The following TSBP1 variants were observed in gnomAD, a reference collection of about 807,000 sequenced individuals.
The protein encoded by TSBP1 is testis expressed basic protein 1, also known as testis-expressed basic protein 1.
Under a neutral mutation model 68.8 loss-of-function variants are expected in TSBP1, and 56 were observed. The ratio of observed to expected loss-of-function variants is 0.81; its 90% CI spans 0.66 to 1.02. TSBP1 has a LOEUF of 1.02. Among genes scored for constraint, TSBP1 ranks in the 50% least tolerant of loss-of-function variants. TSBP1 has a pLI of 0.00. For missense variants in TSBP1, 502 were observed against 641.2 expected (o/e 0.78, Z 2.34); for synonymous variants, 171 against 208.7 (o/e 0.82, Z 1.56).
At chr6:32,367,052 C>CGTGTGTGTGTGT (rs3038518) in intron 4 of TSBP1, among the ~76,000 whole-genome samples, 2,170 of 148,406 alleles carry the variant, frequency 0.015, 31 homozygotes, top group African/African-American at 0.028. Context: ...ATGCTTGTAG[C>CGTGTGTGTGTGT]GTGTGTGTGT....
rs1241237254 is a variant in TSBP1, at chr6:32,370,407, G to GTGTATATATA, written c.14-425_14-424insTATATATACA. Among the ~76,000 whole-genome samples the GTGTATATATA allele has an allele frequency of 1.1e-3, 141 of 130,682 alleles. 1 individual carries two copies. Among genetic ancestry groups the GTGTATATATA allele is most frequent in the East Asian group, 5.4e-3 (25 of 4,596 alleles). The allele number at this position is 130,682 out of a possible 152,430, so 85.7% of individuals were successfully genotyped here. A position where few individuals can be genotyped will look rare whatever the true frequency, so the allele number is the denominator to read the frequency against. On this transcript the variant is annotated intron_variant, in intron 1 of 22. Coordinates refer to ENST00000612031, the Ensembl canonical transcript of TSBP1. Reference sequence around the variant, plus strand: ...TACCTTTAAAGTTGCAAGATTTTCTGTATATATATATATATATATATATAT... The same window carrying GTGTATATATA: ...TACCTTTAAAGTTGCAAGATTTTCTGTGTATATATATATATATATATATATATATATATAT...
At chr6:32,332,771 G>A (rs565761165) in intron 14 of TSBP1, among the ~76,000 whole-genome samples, 2 of 151,982 alleles carry the variant, frequency 1.3e-5, no homozygotes, top group African/African-American at 4.8e-5. Flanking sequence ...CACTATTCCT[G>A]GCTAATTAAA....
rs1767677356 is a variant in TSBP1, at chr6:32,321,963, G to A, written c.559+1154C>T. On this transcript the variant is annotated intron_variant, in intron 18 of 22. Coordinates refer to ENST00000612031, the Ensembl canonical transcript of TSBP1. This position sits in a 1 kb window ranked among gnomAD's most constrained non-coding sequence, Gnocchi z 4.3. ...AGCAGCTACCCTCTTCAGACTATAT[G>A]TGTCCTCCCAGTTTTACACAGTTCC... is the stretch of plus-strand genomic sequence containing the variant. 6.6e-6 allele frequency among the ~76,000 whole-genome samples: 1 copy of A among 152,178 alleles called. No homozygotes were observed. Among genetic ancestry groups the A allele is most frequent in the Admixed American group, 6.6e-5 (1 of 15,262 alleles).
chr6:32,332,107 TTTC>T, intron 14 of TSBP1, 53 bp from the exon 16 acceptor site: 1 of 1,342,344 alleles, frequency 7.4e-7, no homozygotes, highest in South Asian at 1.2e-5. Flanking sequence ...AGAGTGTATT[TTTC>T]ACTAATTTTA....
rs2127605056 is a variant in TSBP1 at position 32,335,806 on chromosome 6, G to A, written c.451+106C>T. On this transcript the variant is annotated intron_variant, in intron 13 of 22. Coordinates refer to ENST00000612031, the Ensembl canonical transcript of TSBP1. This position sits in a 1 kb window ranked among gnomAD's most constrained non-coding sequence, Gnocchi z 5.5. ...AAGAAAAATAAGGGTTGAAGAAAAT[G>A]TGAACTCCAAACCCTTGAAATCCCA... 2 of 897,112 alleles carry A rather than the reference G, an allele frequency of 2.2e-6. No homozygotes were observed. Among genetic ancestry groups the A allele is most frequent in the East Asian group, 2.4e-5 (1 of 40,932 alleles). 55.6% of individuals were successfully genotyped at this position (897,112 alleles called of 1,614,324 possible).
chr6:32,292,928 A>G lies in TSBP1; in HGVS notation c.*53T>C, dbSNP rs763740695. ...TGGCTGGGATATGGTTTGTATCTGG[A>G]GTATGGGAATCATAATAATCACTTG... On this transcript the variant is annotated 3_prime_UTR_variant, in exon 23 of 23. Transcript: ENST00000612031. The surrounding 1 kb of genome is among the most constrained non-coding windows in gnomAD (Gnocchi z 4.1). The G allele has an allele frequency of 1.1e-5, 12 of 1,048,694 alleles. No individual in the cohort carries two copies. The highest frequency in any genetic ancestry group is 8.6e-5 in the Admixed American group (4 of 46,676). 65.0% of individuals were successfully genotyped at this position (1,048,694 alleles called of 1,614,324 possible).
chr6:32,302,519 A>G lies in TSBP1; in HGVS notation c.601+90T>C. On this transcript the variant is annotated intron_variant, in intron 20 of 22. Coordinates refer to ENST00000612031, the Ensembl canonical transcript of TSBP1. The surrounding 1 kb of genome is among the most constrained non-coding windows in gnomAD (Gnocchi z 5.1). ...CACAAAAACCCAGCAAACAAAAACA[A>G]ACATAAAACATTAAAAACATTTGTA... 2.2e-6 allele frequency: 2 copies of G among 889,560 alleles called. No homozygotes were observed. The allele number at this position is 889,560 out of a possible 1,614,324, so 55.1% of individuals were successfully genotyped here.
intron 19 of TSBP1, among the ~76,000 whole-genome samples, chr6:32,310,761 A>ATATATATTTTTTTTTTTTTT: frequency 4.1e-5 from 6 of 144,804 alleles, no homozygotes; most frequent in Admixed American, 3.5e-4. Context: ...ATATATATAT[A>ATATATATTTTTTTTTTTTTT]TTTTTAATCT....
chr6:32,335,353 G>T lies in TSBP1; in HGVS notation c.472+84C>A. 1 of 1,309,732 alleles carries T rather than the reference G, an allele frequency of 7.6e-7. No individual in the cohort carries two copies. 81.1% of individuals were successfully genotyped at this position (1,309,732 alleles called of 1,614,324 possible). ...AGAAGGACTTGATCCTTGAGTCCTT[G>T]GGCATGAATAATTGAAATAAAAATA... On this transcript the variant is annotated intron_variant, in intron 14 of 22. Transcript: ENST00000612031. This position sits in a 1 kb window ranked among gnomAD's most constrained non-coding sequence, Gnocchi z 5.5.
At chr6:32,369,951 C>T (rs754487713) in exon 2 of TSBP1, 2 of 1,612,406 alleles carry the variant, frequency 1.2e-6, no homozygotes, top group Admixed American at 3.3e-5. Flanking sequence ...ATGGCAAGTC[C>T]CAGTAGAGTC....
chr6:32,352,008 A>G (rs1271393486), intron 8 of TSBP1, among the ~76,000 whole-genome samples: 1 of 152,100 alleles, frequency 6.6e-6, no homozygotes, highest in Non-Finnish European at 1.5e-5. Flanking sequence ...GTTCAATTCT[A>G]TACCTAGCTA....
chr6:32,296,638 G>A (rs1441451738), intron 22 of TSBP1, among the ~76,000 whole-genome samples: 7 of 152,124 alleles, frequency 4.6e-5, no homozygotes, highest in Non-Finnish European at 7.4e-5. Context: ...ATCATGCTCC[G>A]CTGAAGTTTC....
At chr6:32,356,658 T>G (rs1772374162) in intron 6 of TSBP1, among the ~76,000 whole-genome samples, 2 of 151,966 alleles carry the variant, frequency 1.3e-5, no homozygotes, top group Admixed American at 1.3e-4. Flanking sequence ...AGACGGAGAT[T>G]GCAGTAAGCC....
In TSBP1 at chr6:32,335,501, T is replaced by A; in HGVS notation, c.452-44A>T. ...AGAAATCAGTAGCTATATATATATT[T>A]TATATATACTTTTTATTTATATACT... On this transcript the variant is annotated intron_variant, in intron 13 of 22. Coordinates refer to ENST00000612031, the Ensembl canonical transcript of TSBP1. The surrounding 1 kb of genome is among the most constrained non-coding windows in gnomAD (Gnocchi z 5.5). 4 of 1,156,946 alleles carry A rather than the reference T, an allele frequency of 3.5e-6. No homozygotes were observed. The highest frequency in any genetic ancestry group is 4.5e-6 in the Non-Finnish European group (4 of 888,480). The allele number at this position is 1,156,946 out of a possible 1,614,324, so 71.7% of individuals were successfully genotyped here. A position where few individuals can be genotyped will look rare whatever the true frequency, so the allele number is the denominator to read the frequency against.
Position 32,315,526 on chromosome 6 carries a change from C to T in TSBP1, c.580+246G>A, listed in dbSNP as rs374031549. Reference sequence around the variant, plus strand: ...GCAGTGAGCCTAGATCACGCCACTGCACTCCAGCCTGTGTGACAGAGTGAG... The same window carrying T: ...GCAGTGAGCCTAGATCACGCCACTGTACTCCAGCCTGTGTGACAGAGTGAG... On this transcript the variant is annotated intron_variant, in intron 19 of 22. Transcript: ENST00000612031. This position sits in a 1 kb window ranked among gnomAD's most constrained non-coding sequence, Gnocchi z 5.4. Among the ~76,000 whole-genome samples the T allele has an allele frequency of 1.6e-4, 25 of 152,278 alleles. No individual in the cohort carries two copies. In the South Asian group the frequency reaches 5.2e-3, roughly 32 times the overall value.
chr6:32,319,947 T>C (rs1767426057), intron 18 of TSBP1, among the ~76,000 whole-genome samples: 1 of 152,154 alleles, frequency 6.6e-6, no homozygotes, highest in East Asian at 1.9e-4. Context: ...TTTCCTTTAG[T>C]GTTTGACTTG....
intron 7 of TSBP1, 146 bp downstream of exon 7, chr6:32,355,503 A>C (rs1772198244): frequency 9.9e-7 from 1 of 1,005,292 alleles, no homozygotes; most frequent in Admixed American, 2.8e-5. Flanking sequence ...ATCATTCTAA[A>C]CCAGCACTAG....
intron 9 of TSBP1, among the ~76,000 whole-genome samples, chr6:32,347,900 T>A (rs1294002154): frequency 6.6e-6 from 1 of 152,186 alleles, no homozygotes. Flanking sequence ...CAGAGTCAGT[T>A]CAGATATCTC....
Position 32,315,737 on chromosome 6 carries a change from TC to T in TSBP1, c.580+34del. The T allele has an allele frequency of 7.1e-7, 1 of 1,416,788 alleles. No homozygotes were observed. The highest frequency in any genetic ancestry group is 9.5e-7 in the Non-Finnish European group (1 of 1,048,964). 87.8% of individuals were successfully genotyped at this position (1,416,788 alleles called of 1,614,324 possible). On this transcript the variant is annotated intron_variant, in intron 19 of 22. Coordinates refer to ENST00000612031, the Ensembl canonical transcript of TSBP1. The surrounding 1 kb of genome is among the most constrained non-coding windows in gnomAD (Gnocchi z 5.4). ...GAAGTGGAAACATCTAACATAAATC[TC>T]CACATATGACCAGCTGAGAAATAAA...
Sources: gnomAD v4.1 joint callset for allele counts (sites outside exome capture counted in the v4.1 genomes callset) on GRCh38, gnomAD v4.1.1 for gene constraint, Gnocchi (gnomAD v3.1) non-coding constraint, MANE v1.5 for transcripts, NCBI Gene and HGNC (gene_info 2026-07-23, HGNC 2026-07-21) for gene names.